The following TENM4 variants were observed in gnomAD, a reference collection of about 807,000 sequenced individuals.
The protein encoded by TENM4 is teneurin-4.
A neutral mutation model predicts 243.3 loss-of-function variants in TENM4; 82 were observed. That is an observed-to-expected ratio of 0.34 (90% CI 0.28 to 0.40). TENM4 has a LOEUF of 0.40. Ranked by LOEUF, TENM4 falls within the 10% of genes least tolerant of loss-of-function variation. TENM4 has a pLI of 1.00. For missense variants in TENM4, 3,138 were observed against 3,673.3 expected (o/e 0.85, Z 3.77); for synonymous variants, 1,412 against 1,456.3 (o/e 0.97, Z 0.69).
At chr11:79,183,019 A>C (rs1863313578) in intron 3 of TENM4, among the ~76,000 whole-genome samples, 1 of 152,228 alleles carries the variant, frequency 6.6e-6, no homozygotes, top group African/African-American at 2.4e-5. Flanking sequence ...GAAACTAAAC[A>C]CATTCTTATT....
chr11:78,718,715 T>A lies in TENM4; in HGVS notation c.3821+1655A>T, dbSNP rs147062105. Among the ~76,000 whole-genome samples the A allele has an allele frequency of 5.4e-3, 818 of 152,338 alleles. 13 individuals are homozygous for A. Among genetic ancestry groups the A allele is most frequent in the African/African-American group, 0.019 (783 of 41,568 alleles). On this transcript the variant is annotated intron_variant, in intron 25 of 33. Coordinates refer to ENST00000278550, the MANE Select transcript of TENM4 (RefSeq NM_001098816.3). ...TCATTACATAGTTCAGTATCATCCA[T>A]ACAAATCTCATTGAAAATCTCAGAT...
intron 1 of TENM4, among the ~76,000 whole-genome samples, chr11:79,418,112 G>C (rs560236611): frequency 1.4e-5 from 2 of 145,988 alleles, no homozygotes; most frequent in South Asian, 4.6e-4. Flanking sequence ...TGACAAACAA[G>C]GATGCATAAT....
intron 1 of TENM4, among the ~76,000 whole-genome samples, chr11:79,345,016 G>A (rs542947918): frequency 6.6e-6 from 1 of 152,168 alleles, no homozygotes; most frequent in East Asian, 1.9e-4. Context: ...ACTCATATTT[G>A]CTTGAGAATT....
At chr11:79,121,302 T>C (rs1289991356) in intron 4 of TENM4, among the ~76,000 whole-genome samples, 2 of 152,236 alleles carry the variant, frequency 1.3e-5, no homozygotes, top group African/African-American at 2.4e-5. Flanking sequence ...TAATCTGGGC[T>C]TGAGGACAAA....
chr11:78,732,243 T>C, intron 21 of TENM4, 73 bp downstream of exon 21: 1 of 1,520,102 alleles, frequency 6.6e-7, no homozygotes, highest in Non-Finnish European at 8.8e-7. Context: ...CTCTTTCCAC[T>C]GTCTCTGAGA....
At chr11:79,285,659 G>A (rs1565283523) in intron 2 of TENM4, among the ~76,000 whole-genome samples, 1 of 152,208 alleles carries the variant, frequency 6.6e-6, no homozygotes, top group South Asian at 2.1e-4. Context: ...GTGTGTGTGT[G>A]TGTGGGTGGG....
At chr11:78,909,603 T>C (rs975560603) in intron 6 of TENM4, among the ~76,000 whole-genome samples, 1 of 152,184 alleles carries the variant, frequency 6.6e-6, no homozygotes, top group Admixed American at 6.5e-5. Context: ...ATAATTCTTA[T>C]CGGCATACGC....
intron 2 of TENM4, among the ~76,000 whole-genome samples, chr11:79,263,387 A>G (rs1855831507): frequency 6.6e-6 from 1 of 152,216 alleles, no homozygotes. Context: ...GGCACCGCAA[A>G]CATGGTGAAG....
intron 1 of TENM4, among the ~76,000 whole-genome samples, chr11:79,432,147 A>G (rs951176957): frequency 1.3e-5 from 2 of 152,210 alleles, no homozygotes; most frequent in East Asian, 1.9e-4. Context: ...TATCTAGTGC[A>G]TTGCTCAATA....
At chr11:79,143,344 C>A (rs916226435) in intron 4 of TENM4, among the ~76,000 whole-genome samples, 14 of 152,010 alleles carry the variant, frequency 9.2e-5, no homozygotes, top group Non-Finnish European at 1.8e-4. Flanking sequence ...TACTATGCAG[C>A]CATAAAAAAT....
intron 6 of TENM4, among the ~76,000 whole-genome samples, chr11:79,004,967 C>T (rs1192055905): frequency 7.2e-6 from 1 of 138,098 alleles, no homozygotes; most frequent in Non-Finnish European, 1.6e-5. Flanking sequence ...AAAAACAACT[C>T]TGACTACTAT....
chr11:78,975,420 G>A (rs997503721), intron 6 of TENM4, among the ~76,000 whole-genome samples: 2 of 152,050 alleles, frequency 1.3e-5, no homozygotes, highest in African/African-American at 4.8e-5. Flanking sequence ...AAATCTGCTG[G>A]CCAACGTGAC....
At chr11:79,164,025 G>A (rs1336558727) in intron 3 of TENM4, among the ~76,000 whole-genome samples, 24 of 18,010 alleles carry the variant, frequency 1.3e-3, no homozygotes, top group Non-Finnish European at 2.3e-3. Flanking sequence ...TATATAGTAT[G>A]TATATAGTAT....
intron 27 of TENM4, among the ~76,000 whole-genome samples, chr11:78,704,159 CTATATATATATATATATATATA>C (rs56026926): frequency 1.3e-4 from 14 of 106,028 alleles, no homozygotes; most frequent in Admixed American, 2.0e-4. Flanking sequence ...GTATGTGTGT[CTATATATATATATATATATATA>C]TATATATATA....
chr11:78,671,588 T>C (rs7108985), intron 31 of TENM4, among the ~76,000 whole-genome samples: 96,621 of 151,600 alleles, frequency 0.64, 31,692 homozygotes, highest in Non-Finnish European at 0.69. Context: ...TGAGTTCTGA[T>C]GCTAGAGCAG....
intron 12 of TENM4, among the ~76,000 whole-genome samples, chr11:78,824,251 C>T (rs968873428): frequency 5.3e-5 from 8 of 152,260 alleles, no homozygotes; most frequent in Non-Finnish European, 7.4e-5. Context: ...AGCATAACAC[C>T]GGCATCTGCT....
chr11:79,196,919 C>T (rs983074767), intron 3 of TENM4, among the ~76,000 whole-genome samples: 1 of 152,180 alleles, frequency 6.6e-6, no homozygotes. Context: ...GAGGAGGAAA[C>T]AAGCTGCCTC....
chr11:79,320,658 G>T (rs980414206), intron 1 of TENM4, among the ~76,000 whole-genome samples: 2 of 152,092 alleles, frequency 1.3e-5, no homozygotes, highest in East Asian at 3.8e-4. Flanking sequence ...TAGCCACATT[G>T]CAACTCTGTC....
intron 1 of TENM4, among the ~76,000 whole-genome samples, chr11:79,314,165 TC>T (rs796153233): frequency 3.9e-4 from 59 of 152,258 alleles, no homozygotes; most frequent in African/African-American, 1.3e-3. Context: ...ACTTAGCCTC[TC>T]CAAGCCTCCG....
Sources: allele counts gnomAD v4.1 joint callset (sites outside exome capture counted in the v4.1 genomes callset), GRCh38; gene constraint gnomAD v4.1.1; transcripts MANE v1.5; gene names NCBI Gene and HGNC (gene_info 2026-07-23, HGNC 2026-07-21).